KIAA0319: variants seen among roughly 807,000 people sequenced by gnomAD.
KIAA0319 encodes dyslexia-associated protein KIAA0319.
Under a neutral mutation model 108.4 loss-of-function variants are expected in KIAA0319, and 83 were observed. The ratio of observed to expected loss-of-function variants is 0.77; its 90% CI spans 0.64 to 0.92. The LOEUF is 0.92. Ranked by LOEUF, KIAA0319 falls within the 40% of genes least tolerant of loss-of-function variation. KIAA0319 has a pLI of 0.00. For missense variants in KIAA0319, 1,195 were observed against 1,322.4 expected, an observed-to-expected ratio of 0.90 and a Z score of 1.49; for synonymous variants, 484 against 510.4, an observed-to-expected ratio of 0.95 and a Z score of 0.70.
chr6:24,618,807 A>T (rs372464377), intron 1 of KIAA0319, among the ~76,000 whole-genome samples: 1 of 151,696 alleles, frequency 6.6e-6, no homozygotes, highest in African/African-American at 2.4e-5. Context: ...AGACTAAAAG[A>T]AAAAAAAAGA....
chr6:24,599,233 G>T lies in KIAA0319; in HGVS notation c.55+1816C>A. ...TATGAGGAGCTGCAGGCACTGGCTG[G>T]GAAGCACAGGGATGACCTGTGTTAT... On this transcript the variant is annotated intron_variant, in intron 2 of 20. Coordinates refer to ENST00000378214, the MANE Select transcript of KIAA0319 (RefSeq NM_014809.4). This position sits in a 1 kb window ranked among gnomAD's most constrained non-coding sequence, Gnocchi z 4.1. 2.0e-6 allele frequency: 1 copy of T among 501,636 alleles called. No homozygotes were observed. Among genetic ancestry groups the T allele is most frequent in the Non-Finnish European group, 3.7e-6 (1 of 272,090 alleles). The allele number at this position is 501,636 out of a possible 1,614,324, so 31.1% of individuals were successfully genotyped here. A position where few individuals can be genotyped will look rare whatever the true frequency, so the allele number is the denominator to read the frequency against.
At chr6:24,567,923 GT>G (rs1764126216) in intron 13 of KIAA0319, among the ~76,000 whole-genome samples, 1 of 152,122 alleles carries the variant, frequency 6.6e-6, no homozygotes, top group Non-Finnish European at 1.5e-5. Flanking sequence ...TTAGAAACAA[GT>G]CAAGATGCCT....
chr6:24,629,983 A>C (rs1775300574), intron 1 of KIAA0319, among the ~76,000 whole-genome samples: 1 of 152,084 alleles, frequency 6.6e-6, no homozygotes, highest in African/African-American at 2.4e-5. Flanking sequence ...GGTCAGGACC[A>C]GCCTGGCCAA....
intron 1 of KIAA0319, among the ~76,000 whole-genome samples, chr6:24,625,432 C>T (rs1020680619): frequency 2.6e-5 from 4 of 151,974 alleles, no homozygotes; most frequent in African/African-American, 9.7e-5. Flanking sequence ...ATTGATACAA[C>T]TTGATAAACA....
At position 24,596,438 on chromosome 6, in the gene KIAA0319, A is replaced by G. The variant is rs1401427943; in HGVS notation, c.236T>C (p.Leu79Pro). 7 of 1,614,208 alleles carry G rather than the reference A, an allele frequency of 4.3e-6. No homozygotes were observed. The Admixed American group carries it at 1.2e-4, about 27-fold the overall frequency. The change falls in exon 3 of 21, where the codon CTG (leucine) becomes CCG (proline). Residue 79 changes from leucine (L) to proline (P), a missense_variant. Physicochemically the swap from Leu to Pro is moderately conservative, Grantham distance 98. Transcript: ENST00000378214. Reference sequence around the variant, plus strand: ...GTTCTCTTTGTGGGGGCAGCTCACCAGGTAGCAGCGGCCCTCGAACCACCA... The same window carrying G: ...GTTCTCTTTGTGGGGGCAGCTCACCGGGTAGCAGCGGCCCTCGAACCACCA... ...LAWWFEGRCYLVSCPHKENCE... is the reference protein window; with the variant it reads ...LAWWFEGRCYPVSCPHKENCE...
intron 5 of KIAA0319, 41 bp downstream of exon 5, chr6:24,583,563 C>T (rs1766955859): frequency 1.5e-6 from 2 of 1,363,350 alleles, no homozygotes; most frequent in Middle Eastern, 1.8e-4. Context: ...AAGAAAAACA[C>T]CCCAGTTCCT....
At chr6:24,581,343 G>A (rs1000612454) in intron 6 of KIAA0319, among the ~76,000 whole-genome samples, 4 of 152,160 alleles carry the variant, frequency 2.6e-5, no homozygotes, top group Admixed American at 6.5e-5. Flanking sequence ...ATTGGTTGCC[G>A]GTGGTCTGGA....
intron 3 of KIAA0319, among the ~76,000 whole-genome samples, chr6:24,595,410 G>C (rs1208542296): frequency 6.6e-6 from 1 of 152,022 alleles, no homozygotes; most frequent in African/African-American, 2.4e-5. Context: ...AGCTGGGCAT[G>C]GTGATGGGCG....
intron 1 of KIAA0319, among the ~76,000 whole-genome samples, chr6:24,640,803 C>T (rs1364930282): frequency 6.6e-6 from 1 of 151,882 alleles, no homozygotes; most frequent in Non-Finnish European, 1.5e-5. Context: ...CAGGCACATA[C>T]CACCAAGCCC....
chr6:24,576,096 AG>A (rs1185997646), intron 10 of KIAA0319, among the ~76,000 whole-genome samples: 2 of 152,216 alleles, frequency 1.3e-5, no homozygotes, highest in Non-Finnish European at 2.9e-5. Context: ...CTTCTCTAAC[AG>A]ATGTGAGACT....
At chr6:24,621,809 G>T (rs1383689023) in intron 1 of KIAA0319, among the ~76,000 whole-genome samples, 3 of 152,216 alleles carry the variant, frequency 2.0e-5, no homozygotes, top group Non-Finnish European at 4.4e-5. Flanking sequence ...CTAGAAAAAG[G>T]AAGAACAGCA....
In KIAA0319 at chr6:24,642,719, T is replaced by C. The variant is rs1016190136; in HGVS notation, c.-106+3017A>G. On this transcript the variant is annotated intron_variant, in intron 1 of 20. Coordinates refer to ENST00000378214, the MANE Select transcript of KIAA0319 (RefSeq NM_014809.4). ...ATAGATGCTTACTATAATCCTTTGCTGCATTTTTTTTTTTTTTGAATTAGA... is the reference window on the plus strand; with the variant it reads ...ATAGATGCTTACTATAATCCTTTGCCGCATTTTTTTTTTTTTTGAATTAGA... 4.6e-5 allele frequency among the ~76,000 whole-genome samples: 4 copies of C among 87,404 alleles called. No individual in the cohort carries two copies. In the East Asian group the frequency reaches 2.0e-3, roughly 43 times the overall value. The allele number at this position is 87,404 out of a possible 152,430, so 57.3% of individuals were successfully genotyped here.
rs532870039 is a variant in KIAA0319 at position 24,638,000 on chromosome 6, T to C, written c.-106+7736A>G. 2.0e-4 allele frequency among the ~76,000 whole-genome samples: 31 copies of C among 152,150 alleles called. No individual in the cohort carries two copies. In the South Asian group the frequency reaches 4.6e-3, roughly 22 times the overall value. On this transcript the variant is annotated intron_variant, in intron 1 of 20. Coordinates refer to ENST00000378214, the MANE Select transcript of KIAA0319 (RefSeq NM_014809.4). Reference sequence around the variant, plus strand: ...GGGATACTTCCCAACACAGAGCACATAGAACTCCACCAGAAAAGCAACTCC... The same window carrying C: ...GGGATACTTCCCAACACAGAGCACACAGAACTCCACCAGAAAAGCAACTCC...
chr6:24,571,059 G>A (rs1213343385), intron 11 of KIAA0319, among the ~76,000 whole-genome samples: 1 of 151,746 alleles, frequency 6.6e-6, no homozygotes, highest in Non-Finnish European at 1.5e-5. Context: ...AGGCATGGTG[G>A]CACACATCTG....
chr6:24,611,796 G>A (rs934876967), intron 1 of KIAA0319, among the ~76,000 whole-genome samples: 3 of 152,052 alleles, frequency 2.0e-5, no homozygotes, highest in African/African-American at 7.2e-5. Context: ...GCTCACCCCT[G>A]TAATCCCAGC....
chr6:24,585,996 G>A (rs891813653), intron 4 of KIAA0319, among the ~76,000 whole-genome samples: 1 of 152,164 alleles, frequency 6.6e-6, no homozygotes, highest in Non-Finnish European at 1.5e-5. Flanking sequence ...AGCTGAGGCA[G>A]GAGAATCTCT....
intron 20 of KIAA0319, among the ~76,000 whole-genome samples, chr6:24,550,112 G>A (rs966317588): frequency 6.6e-6 from 1 of 152,182 alleles, no homozygotes; most frequent in Admixed American, 6.5e-5. Flanking sequence ...CTTCCTGTGA[G>A]GCTCTTCCTG....
intron 11 of KIAA0319, among the ~76,000 whole-genome samples, chr6:24,572,358 G>C (rs1764841376): frequency 6.6e-6 from 1 of 152,220 alleles, no homozygotes; most frequent in South Asian, 2.1e-4. Context: ...AGGCAAATCG[G>C]AGCCCACAAG....
rs371920164 is a variant in KIAA0319, at chr6:24,596,235, C to A, written c.439G>T (p.Asp147Tyr). Residue 147 changes from aspartate to tyrosine, a missense_variant, in exon 3 of 21, where the codon GAT (aspartate) becomes TAT (tyrosine). Asp to Tyr is a radical substitution (Grantham distance 160). Transcript: ENST00000378214. Reference sequence around the variant, plus strand: ...TCAGACATCTCCTCTAGGCCCCAATCTTTGCCTAGAAAGGTCAAGTCCTTT... The same window carrying A: ...TCAGACATCTCCTCTAGGCCCCAATATTTGCCTAGAAAGGTCAAGTCCTTT... ...IRKDLTFLGKDWGLEEMSEYS... is the reference protein window; with the variant it reads ...IRKDLTFLGKYWGLEEMSEYS... 3.1e-6 allele frequency: 5 copies of A among 1,614,110 alleles called. No individual in the cohort carries two copies. In the African/African-American group the frequency reaches 5.3e-5, roughly 17 times the overall value.
Sources: allele counts gnomAD v4.1 joint callset (sites outside exome capture counted in the v4.1 genomes callset), GRCh38; gene constraint gnomAD v4.1.1; non-coding constraint Gnocchi (gnomAD v3.1); transcripts MANE v1.5; gene names NCBI Gene and HGNC (gene_info 2026-07-23, HGNC 2026-07-21).